The following BBS9 variants were observed in gnomAD, a reference collection of about 807,000 sequenced individuals.
BBS9 encodes the protein protein PTHB1.
A neutral mutation model predicts 117.7 loss-of-function variants in BBS9; 89 were observed. The observed-to-expected ratio is 0.76, with a 90% CI of 0.64 to 0.90. The LOEUF is 0.90. Ranked by LOEUF, BBS9 falls within the 40% of genes least tolerant of loss-of-function variation. The pLI, the probability that BBS9 is intolerant of heterozygous loss-of-function variation, is 0.00. For synonymous variants in BBS9, 379 were observed against 370.9 expected (o/e 1.02, Z -0.25); for missense variants, 982 against 1,042.2 (o/e 0.94, Z 0.80).
At chr7:33,187,222 A>G (rs1429559392) in intron 5 of BBS9, among the ~76,000 whole-genome samples, 2 of 152,244 alleles carry the variant, frequency 1.3e-5, no homozygotes, top group Non-Finnish European at 2.9e-5. Flanking sequence ...CAACAGCTGC[A>G]TATACTTAAC....
chr7:33,507,246 G>C (rs532442817), intron 20 of BBS9, among the ~76,000 whole-genome samples: 2 of 152,056 alleles, frequency 1.3e-5, no homozygotes, highest in South Asian at 4.2e-4. Context: ...TTGTTTGTTT[G>C]TTTTTTCGTT....
intron 9 of BBS9, among the ~76,000 whole-genome samples, chr7:33,323,346 A>C (rs1038854732): frequency 6.6e-6 from 1 of 152,116 alleles, no homozygotes; most frequent in East Asian, 1.9e-4. Flanking sequence ...GTCTATAGCT[A>C]TTATTTTACA....
intron 1 of BBS9, among the ~76,000 whole-genome samples, chr7:33,143,338 A>G (rs767234405): frequency 5.3e-5 from 8 of 152,118 alleles, no homozygotes; most frequent in Admixed American, 6.6e-5. Flanking sequence ...TATTCCCACC[A>G]ACAGCGTACA....
At position 33,604,871 on chromosome 7, in the gene BBS9, G is replaced by A. The variant is rs779818517; in HGVS notation, c.2528G>A (p.Cys843Tyr). The stretch of plus-strand genomic sequence containing the variant: ...GTTTGTATTTTTCAACTAGGTGGTT[G>A]TACTACAATCCCAGAGTCAGACCTA... Reference protein sequence around the residue: ...APQTMVMPGGCTTIPESDLEE... With the variant: ...APQTMVMPGGYTTIPESDLEE... The change falls in exon 22 of 23, where the codon TGT becomes TAT. Residue 843 changes from cysteine to tyrosine, a missense_variant. Transcript: ENST00000242067. 1 of 1,608,294 alleles carries A rather than the reference G, an allele frequency of 6.2e-7. No individual in the cohort carries two copies. Among genetic ancestry groups the A allele is most frequent in the South Asian group, 1.1e-5 (1 of 90,884 alleles).
At chr7:33,264,616 CA>C (rs1798506574) in intron 7 of BBS9, among the ~76,000 whole-genome samples, 1 of 151,936 alleles carries the variant, frequency 6.6e-6, no homozygotes, top group African/African-American at 2.4e-5. Flanking sequence ...TGTGGATATC[CA>C]GATGGAGTCA....
At chr7:33,234,033 CAT>C (rs1481561100) in intron 5 of BBS9, among the ~76,000 whole-genome samples, 13 of 152,128 alleles carry the variant, frequency 8.5e-5, no homozygotes, top group Admixed American at 2.6e-4. Context: ...TTTTGTCCCA[CAT>C]ATCCACCCTG....
intron 5 of BBS9, among the ~76,000 whole-genome samples, chr7:33,188,392 G>T (rs1051795943): frequency 6.6e-6 from 1 of 152,030 alleles, no homozygotes; most frequent in Non-Finnish European, 1.5e-5. Flanking sequence ...CCATTTTTAG[G>T]CTACTAAATT....
intron 7 of BBS9, among the ~76,000 whole-genome samples, chr7:33,270,291 A>G (rs1477188000): frequency 6.6e-6 from 1 of 152,242 alleles, no homozygotes; most frequent in Non-Finnish European, 1.5e-5. Flanking sequence ...CTGGCAACTC[A>G]AAAGGCCACA....
chr7:33,450,214 C>A (rs912042515), intron 19 of BBS9, among the ~76,000 whole-genome samples: 1 of 152,156 alleles, frequency 6.6e-6, no homozygotes, highest in East Asian at 1.9e-4. Context: ...GGATTTCTTT[C>A]TTTTTAAAGG....
intron 4 of BBS9, among the ~76,000 whole-genome samples, chr7:33,158,248 C>T (rs1223437900): frequency 6.6e-6 from 1 of 152,128 alleles, no homozygotes; most frequent in Non-Finnish European, 1.5e-5. Context: ...GTCAAAGTGA[C>T]CTCTGATTTT....
At chr7:33,369,941 T>G (rs1283026548) in intron 17 of BBS9, among the ~76,000 whole-genome samples, 1 of 152,206 alleles carries the variant, frequency 6.6e-6, no homozygotes, top group Admixed American at 6.5e-5. Flanking sequence ...GAATTGTCCT[T>G]GACTCTTGGA....
At chr7:33,590,465 T>TTTTTG (rs1861709596) in intron 21 of BBS9, among the ~76,000 whole-genome samples, 1 of 138,012 alleles carries the variant, frequency 7.2e-6, no homozygotes, top group African/African-American at 2.9e-5. Flanking sequence ...TTTTGTTTTT[T>TTTTTG]TTTTTTTTTT....
intron 21 of BBS9, among the ~76,000 whole-genome samples, chr7:33,544,190 C>CT (rs1852887971): frequency 6.6e-6 from 1 of 152,104 alleles, no homozygotes; most frequent in African/African-American, 2.4e-5. Flanking sequence ...CTCCTGAATT[C>CT]TTTTTCAGGT....
intron 2 of BBS9, 58 bp downstream of exon 2, chr7:33,146,422 T>G (rs896606215): frequency 7.3e-7 from 1 of 1,363,926 alleles, no homozygotes; most frequent in African/African-American, 1.4e-5. Flanking sequence ...CAAATAAGAC[T>G]GGGCACGGTG....
At chr7:33,584,965 TG>T (rs1454132477) in intron 21 of BBS9, among the ~76,000 whole-genome samples, 1 of 152,162 alleles carries the variant, frequency 6.6e-6, no homozygotes, top group Non-Finnish European at 1.5e-5. Flanking sequence ...TGAGCTCCTT[TG>T]AATTTTCCCA....
At chr7:33,236,366 A>C (rs905948537) in intron 5 of BBS9, among the ~76,000 whole-genome samples, 2 of 151,118 alleles carry the variant, frequency 1.3e-5, no homozygotes, top group African/African-American at 4.8e-5. Context: ...GAATACAGTT[A>C]AATGAATACA....
intron 19 of BBS9, among the ~76,000 whole-genome samples, chr7:33,430,959 C>T (rs1321624979): frequency 1.3e-5 from 2 of 149,460 alleles, no homozygotes; most frequent in African/African-American, 4.9e-5. Flanking sequence ...GAGGCTGAGG[C>T]GGGTGGATCG....
At chr7:33,353,426 A>G (rs915903303) in intron 15 of BBS9, among the ~76,000 whole-genome samples, 2 of 152,082 alleles carry the variant, frequency 1.3e-5, no homozygotes, top group Non-Finnish European at 2.9e-5. Flanking sequence ...GTTTTCCCCA[A>G]ATCTTTTGTT....
rs17170267 is a variant in BBS9 at position 33,485,880 on chromosome 7, C to T, written c.2116-19583C>T. Among the ~76,000 whole-genome samples the T allele has an allele frequency of 4.6e-3, 696 of 152,222 alleles. 6 individuals are homozygous for T. Among genetic ancestry groups the T allele is most frequent in the African/African-American group, 0.016 (650 of 41,530 alleles). On this transcript the variant is annotated intron_variant, in intron 19 of 22. Coordinates refer to ENST00000242067, the MANE Select transcript of BBS9 (RefSeq NM_198428.3). ...TTGCTGGAATGGAGATAGCTGGTCACCTCAATTAAAGAGGAAAAAAGATGA... is the reference window on the plus strand; with the variant it reads ...TTGCTGGAATGGAGATAGCTGGTCATCTCAATTAAAGAGGAAAAAAGATGA...
Sources: gnomAD v4.1 joint callset for allele counts (sites outside exome capture counted in the v4.1 genomes callset) on GRCh38, gnomAD v4.1.1 for gene constraint, MANE v1.5 for transcripts, NCBI Gene and HGNC (gene_info 2026-07-23, HGNC 2026-07-21) for gene names.